CDH4: variants seen among roughly 807,000 people sequenced by gnomAD.
CDH4 encodes the protein cadherin-4.
Under a neutral mutation model 86.0 loss-of-function variants are expected in CDH4, and 33 were observed. The observed-to-expected ratio is 0.38, with a 90% CI of 0.29 to 0.51. The LOEUF (loss-of-function observed/expected upper bound fraction) is 0.51. Ranked by LOEUF, CDH4 falls within the 20% of genes least tolerant of loss-of-function variation. The probability of loss-of-function intolerance (pLI) is 0.86; values close to 1 mark genes in which losing one functional copy is unlikely to be tolerated. For synonymous variants in CDH4, 555 were observed against 549.4 expected (o/e 1.01, Z -0.14); for missense variants, 1,114 against 1,307.4 (o/e 0.85, Z 2.28).
At chr20:61,540,198 C>T (rs770846686) in intron 2 of CDH4, among the ~76,000 whole-genome samples, 12 of 152,250 alleles carry the variant, frequency 7.9e-5, no homozygotes, top group Non-Finnish European at 1.5e-4. Flanking sequence ...TGCACGGCAG[C>T]GTCGTCTTGA....
In CDH4 at chr20:61,527,306, A is replaced by C. The variant is rs528004896; in HGVS notation, c.170-216257A>C. Among the ~76,000 whole-genome samples the C allele has an allele frequency of 2.0e-5, 3 of 151,812 alleles. No individual in the cohort carries two copies. The South Asian group carries it at 6.2e-4, about 32-fold the overall frequency. ...CACTCTGTTGCCCAGGCTGGAGTGC[A>C]GTGGCAAATCTTGGCTCACTGCCAT... On this transcript the variant is annotated intron_variant, in intron 2 of 15. Transcript: ENST00000614565.
chr20:61,264,689 T>C (rs1362819913), intron 2 of CDH4, among the ~76,000 whole-genome samples: 70 of 115,250 alleles, frequency 6.1e-4, no homozygotes, highest in East Asian at 2.1e-3. Context: ...CTTACACATA[T>C]CTCAGTGGCT....
intron 3 of CDH4, among the ~76,000 whole-genome samples, chr20:61,770,576 T>C (rs1322140357): frequency 6.6e-6 from 1 of 152,220 alleles, no homozygotes; most frequent in African/African-American, 2.4e-5. Context: ...TCATGTGCAC[T>C]ATCACGTTTA....
At chr20:61,932,586 G>C (rs1205536491) in intron 13 of CDH4, among the ~76,000 whole-genome samples, 1 of 151,474 alleles carries the variant, frequency 6.6e-6, no homozygotes, top group Non-Finnish European at 1.5e-5. Flanking sequence ...CACACACACA[G>C]ATCTACACGC....
intron 2 of CDH4, among the ~76,000 whole-genome samples, chr20:61,680,822 GT>G (rs56855551): frequency 0.11 from 17,467 of 152,148 alleles, 1,722 homozygotes; most frequent in African/African-American, 0.28. Flanking sequence ...TCTGTCCTGA[GT>G]TCCCCCCTGT....
intron 6 of CDH4, among the ~76,000 whole-genome samples, chr20:61,860,993 G>A (rs1983297446): frequency 6.6e-6 from 1 of 152,200 alleles, no homozygotes; most frequent in Non-Finnish European, 1.5e-5. Context: ...CTAAAAAGGT[G>A]TGTTCTATTC....
intron 2 of CDH4, among the ~76,000 whole-genome samples, chr20:61,506,074 C>A (rs570022822): frequency 1.2e-4 from 18 of 152,232 alleles, no homozygotes; most frequent in Non-Finnish European, 2.1e-4. Context: ...ATGTGGAGAA[C>A]AAAACCAAAG....
At chr20:61,931,380 AG>A (rs1214597415) in intron 13 of CDH4, among the ~76,000 whole-genome samples, 1 of 152,192 alleles carries the variant, frequency 6.6e-6, no homozygotes, top group Non-Finnish European at 1.5e-5. Context: ...CTCTGCAGGC[AG>A]GGCGATGCCG....
chr20:61,883,462 C>A (rs1384422656), intron 7 of CDH4, among the ~76,000 whole-genome samples: 1 of 152,112 alleles, frequency 6.6e-6, no homozygotes, highest in Non-Finnish European at 1.5e-5. Flanking sequence ...GCCAGGAATG[C>A]TCAGCACCCC....
chr20:61,866,229 G>C (rs1167537853), intron 6 of CDH4, among the ~76,000 whole-genome samples: 1 of 152,162 alleles, frequency 6.6e-6, no homozygotes, highest in East Asian at 1.9e-4. Flanking sequence ...TCAATGCTTG[G>C]CACAGAGGGA....
intron 2 of CDH4, among the ~76,000 whole-genome samples, chr20:61,541,811 C>T (rs73914825): frequency 0.02 from 3,067 of 152,258 alleles, 103 homozygotes; most frequent in African/African-American, 0.069. Flanking sequence ...AGTGAGTGTG[C>T]CAGGATCCCT....
chr20:61,570,558 T>C (rs2086334028), intron 2 of CDH4: 3 of 654,806 alleles, frequency 4.6e-6, no homozygotes, highest in Admixed American at 2.2e-5. Flanking sequence ...CATCCAAGCG[T>C]TGACTTTTGT....
intron 2 of CDH4, among the ~76,000 whole-genome samples, chr20:61,597,358 G>A (rs980913170): frequency 3.9e-5 from 6 of 152,126 alleles, no homozygotes; most frequent in Non-Finnish European, 7.4e-5. Flanking sequence ...TGCAAGCCCC[G>A]CTCACCTTGG....
chr20:61,747,991 C>T (rs962319513), intron 3 of CDH4, among the ~76,000 whole-genome samples: 2 of 151,868 alleles, frequency 1.3e-5, no homozygotes, highest in South Asian at 2.1e-4. Context: ...AGTTAGAACC[C>T]AAAGACAAAG....
intron 2 of CDH4, among the ~76,000 whole-genome samples, chr20:61,732,702 G>C (rs1365017453): frequency 6.6e-6 from 1 of 152,230 alleles, no homozygotes; most frequent in Non-Finnish European, 1.5e-5. Flanking sequence ...TCCCCCACTA[G>C]ACAGCTTCCC....
chr20:61,572,682 C>G (rs989839077), intron 2 of CDH4, among the ~76,000 whole-genome samples: 1 of 152,230 alleles, frequency 6.6e-6, no homozygotes, highest in African/African-American at 2.4e-5. Flanking sequence ...CATATTTCCA[C>G]CATCTGGATC....
Position 61,786,880 on chromosome 20 carries a change from T to G in CDH4, c.576+13698T>G, listed in dbSNP as rs533453397. Among the ~76,000 whole-genome samples the G allele has an allele frequency of 5.9e-5, 9 of 152,300 alleles. No individual in the cohort carries two copies. The East Asian group carries it at 1.5e-3, about 26-fold the overall frequency. Reference sequence around the variant, plus strand: ...TGACCAGACATTGTCTAGGTGCTAATGCGTGGGCTCCCAGGGCCACTGTAG... The same window carrying G: ...TGACCAGACATTGTCTAGGTGCTAAGGCGTGGGCTCCCAGGGCCACTGTAG... On this transcript the variant is annotated intron_variant, in intron 4 of 15. Transcript: ENST00000614565.
intron 2 of CDH4, among the ~76,000 whole-genome samples, chr20:61,481,478 T>C (rs1250178871): frequency 2.0e-5 from 3 of 152,242 alleles, no homozygotes; most frequent in Admixed American, 1.3e-4. Flanking sequence ...ATTTCTGTTG[T>C]CAAGTCTAAA....
intron 2 of CDH4, among the ~76,000 whole-genome samples, chr20:61,260,908 G>A (rs1205777418): frequency 6.6e-6 from 1 of 152,186 alleles, no homozygotes; most frequent in African/African-American, 2.4e-5. Context: ...AGGTAGGAGC[G>A]GCCCAGGAAT....
Sources: gnomAD v4.1 joint callset for allele counts (sites outside exome capture counted in the v4.1 genomes callset) on GRCh38, gnomAD v4.1.1 for gene constraint, MANE v1.5 for transcripts, NCBI Gene and HGNC (gene_info 2026-07-23, HGNC 2026-07-21) for gene names.